IDO1: variants seen among roughly 807,000 people sequenced by gnomAD.
IDO1 encodes the protein indoleamine 2,3-dioxygenase 1, also known as indolamine 2,3 dioxygenase.
Under a neutral mutation model 38.8 loss-of-function variants are expected in IDO1, and 35 were observed. The ratio of observed to expected loss-of-function variants is 0.90; its 90% CI spans 0.69 to 1.20. IDO1 has a LOEUF of 1.20. Ranked by LOEUF, IDO1 falls within the 50% of genes most tolerant of loss-of-function variation. IDO1 has a pLI of 0.00. For synonymous variants in IDO1, 171 were observed against 170.0 expected (o/e 1.01, Z -0.05); for missense variants, 509 against 485.1 (o/e 1.05, Z -0.46).
At chr8:39,921,030 T>C (rs1055611805) in intron 5 of IDO1, 1 of 152,138 alleles carries the variant, frequency 6.6e-6, no homozygotes, top group Non-Finnish European at 1.5e-5. Context: ...AAGCAAGTTA[T>C]TTGAGGAATT....
intron 1 of IDO1, among the ~76,000 whole-genome samples, chr8:39,916,125 C>T (rs1259230429): frequency 1.3e-5 from 2 of 152,016 alleles, no homozygotes; most frequent in African/African-American, 4.8e-5. Context: ...GAGATCACGC[C>T]ACCGCACTCC....
At chr8:39,914,645 A>G (rs540580208) in intron 1 of IDO1, among the ~76,000 whole-genome samples, 11 of 152,336 alleles carry the variant, frequency 7.2e-5, no homozygotes, top group African/African-American at 2.6e-4. Flanking sequence ...AACGAATGCT[A>G]TGTAAACCAA....
chr8:39,924,626 C>T lies in IDO1; in HGVS notation c.656-95C>T. ...ACTGACCTAATGCCTTTTCCTGCAG[C>T]CTGTGCCAAAATCCATTATCAGTTG... On this transcript the variant is annotated intron_variant, in intron 7 of 9. Coordinates refer to ENST00000518237, the MANE Select transcript of IDO1 (RefSeq NM_002164.6). The T allele has an allele frequency of 3.6e-6, 3 of 827,234 alleles. No individual in the cohort carries two copies. The Admixed American group carries it at 6.1e-5, about 17-fold the overall frequency. The allele number at this position is 827,234 out of a possible 1,614,324, so 51.2% of individuals were successfully genotyped here. A position where few individuals can be genotyped will look rare whatever the true frequency, so the allele number is the denominator to read the frequency against.
rs542806301 is a variant in IDO1 at position 39,928,067 on chromosome 8, A to G, written c.1094A>G (p.Asn365Ser). ...CCTGCAAGCCAGCAGCCAAAGGAGAATAAGACCTCTGAAGACCCTTCAAAA... is the reference window on the plus strand; with the variant it reads ...CCTGCAAGCCAGCAGCCAAAGGAGAGTAAGACCTCTGAAGACCCTTCAAAA... ...LIPASQQPKE[N>S]KTSEDPSKLE... Residue 365 changes from asparagine (N) to serine (S), a missense_variant, in exon 10 of 10, where the codon AAT (asparagine) becomes AGT (serine). Transcript: ENST00000518237. 5.8e-5 allele frequency: 94 copies of G among 1,612,584 alleles called. No homozygotes were observed. The East Asian group carries it at 1.9e-3, about 32-fold the overall frequency.
intron 1 of IDO1, 140 bp downstream of exon 1, chr8:39,914,149 G>A: frequency 1.7e-6 from 1 of 604,270 alleles, no homozygotes; most frequent in Non-Finnish European, 3.0e-6. Context: ...TTAGAGAGCT[G>A]TAATAACTGC....
intron 3 of IDO1, chr8:39,918,482 C>T (rs1274709593): frequency 2.1e-6 from 1 of 471,726 alleles, no homozygotes; most frequent in African/African-American, 2.0e-5. Context: ...CTTTAAAACA[C>T]ACATGGGCCT....
chr8:39,918,371 GTTATCA>G, intron 3 of IDO1, 164 bp downstream of exon 3: 1 of 615,458 alleles, frequency 1.6e-6, no homozygotes, highest in Non-Finnish European at 2.8e-6. Flanking sequence ...CATGTCCACT[GTTATCA>G]TTATTATATT....
intron 9 of IDO1, among the ~76,000 whole-genome samples, chr8:39,925,959 G>A (rs533532558): frequency 1.7e-4 from 26 of 152,062 alleles, no homozygotes; most frequent in African/African-American, 5.1e-4. Flanking sequence ...AGGCCGAGGC[G>A]GGCGGATCAC....
chr8:39,919,020 A>AGC, intron 4 of IDO1, 87 bp downstream of exon 4: 2 of 856,130 alleles, frequency 2.3e-6, no homozygotes, highest in Non-Finnish European at 4.1e-6. Context: ...AATTTTGGGC[A>AGC]GCGCAGCTTT....
In IDO1 at chr8:39,925,217, T is replaced by C; in HGVS notation, c.708-6T>C. On this transcript the variant is annotated splice_polypyrimidine_tract_variant and splice_region_variant and intron_variant, in intron 8 of 9. Transcript: ENST00000518237. ...TTTTTCTTTTTTTCTTTCTTTCCTC[T>C]GATAGCTGGAAAGGCAACCCCCAGC... The C allele has an allele frequency of 6.4e-7, 1 of 1,574,294 alleles. No individual in the cohort carries two copies. The highest frequency in any genetic ancestry group is 2.2e-5 in the East Asian group (1 of 44,534).
chr8:39,928,550 G>C lies in IDO1; in HGVS notation c.*365G>C, dbSNP rs1015344602. 6.2e-6 allele frequency: 1 copy of C among 160,686 alleles called. No homozygotes were observed. The highest frequency in any genetic ancestry group is 1.4e-5 in the Non-Finnish European group (1 of 73,268). 10.0% of individuals were successfully genotyped at this position (160,686 alleles called of 1,614,324 possible). On this transcript the variant is annotated 3_prime_UTR_variant, in exon 10 of 10. Coordinates refer to ENST00000518237, the MANE Select transcript of IDO1 (RefSeq NM_002164.6). ...AGATCGAGACCATCTTGGCTAACACGGTGAAACCCCGTCTCTACTAAAAAT... is the reference window on the plus strand; with the variant it reads ...AGATCGAGACCATCTTGGCTAACACCGTGAAACCCCGTCTCTACTAAAAAT...
intron 1 of IDO1, 118 bp from the exon 2 acceptor site, chr8:39,917,757 A>C (rs1402866128): frequency 1.5e-6 from 1 of 659,124 alleles, no homozygotes; most frequent in Non-Finnish European, 2.6e-6. Flanking sequence ...CAGACAGGTA[A>C]GCCATATGCC....
chr8:39,920,101 C>A lies in IDO1; in HGVS notation c.424C>A (p.Pro142Thr), dbSNP rs1052014516. 1.9e-5 allele frequency: 31 copies of A among 1,610,202 alleles called. No homozygotes were observed. Among genetic ancestry groups the A allele is most frequent in the Non-Finnish European group, 2.6e-5 (31 of 1,177,846 alleles). Residue 142 changes from proline (P) to threonine (T), a missense_variant and splice_region_variant, in exon 5 of 10, where the codon CCC becomes ACC. By Grantham distance (38) the Pro-to-Thr change is conservative. Transcript: ENST00000518237. ...TTGCTTCATGGCTGCTTTCATAAGGCCCCTGACTTATGAGTAAGTATCTGA... is the reference window on the plus strand; with the variant it reads ...TTGCTTCATGGCTGCTTTCATAAGGACCCTGACTTATGAGTAAGTATCTGA... Reference protein sequence around the residue: ...ANWKKKDPNKPLTYENMDVLF... With the variant: ...ANWKKKDPNKTLTYENMDVLF...
chr8:39,928,504 C>A lies in IDO1; in HGVS notation c.*319C>A, dbSNP rs539055517. ...ATCCCAGCACTTTGGGAGGCCGAGG[C>A]GGGCGGATCACAAGGTCAGGAGATC... On this transcript the variant is annotated 3_prime_UTR_variant, in exon 10 of 10. Transcript: ENST00000518237. The A allele has an allele frequency of 5.6e-6, 1 of 179,626 alleles. No homozygotes were observed. The highest frequency in any genetic ancestry group is 1.2e-5 in the Non-Finnish European group (1 of 84,702). 11.1% of individuals were successfully genotyped at this position (179,626 alleles called of 1,614,324 possible).
At chr8:39,925,468 T>C (rs1487798795) in intron 9 of IDO1, 97 bp downstream of exon 9, 2 of 1,168,928 alleles carry the variant, frequency 1.7e-6, no homozygotes, top group Non-Finnish European at 2.3e-6. Flanking sequence ...TTATCTGAGC[T>C]TATCTGATAG....
rs774225205 is a variant in IDO1 at position 39,924,756 on chromosome 8, C to A, written c.691C>A (p.Arg231Ser). ...VNPKAFFSVLRIYLSGWKGNP... is the reference protein window; with the variant it reads ...VNPKAFFSVLSIYLSGWKGNP... ...CCCAAAAGCATTTTTCAGTGTTCTT[C>A]GCATATATTTGTCTGGGTATGTAGT... is the stretch of plus-strand genomic sequence containing the variant. Residue 231 changes from arginine (R) to serine (S), a missense_variant, in exon 8 of 10, where the codon CGC becomes AGC. Arg to Ser is a moderately radical substitution (Grantham distance 110). Coordinates refer to ENST00000518237, the MANE Select transcript of IDO1 (RefSeq NM_002164.6). The A allele has an allele frequency of 6.2e-7, 1 of 1,609,522 alleles. No homozygotes were observed. Among genetic ancestry groups the A allele is most frequent in the Non-Finnish European group, 8.5e-7 (1 of 1,176,468 alleles).
chr8:39,924,780 G>T lies in IDO1; in HGVS notation c.707+8G>T. On this transcript the variant is annotated splice_region_variant and intron_variant, in intron 8 of 9. Transcript: ENST00000518237. ...TCGCATATATTTGTCTGGGTATGTA[G>T]TCTTATGTTTGAATTTGTTTGCTCT... is the stretch of plus-strand genomic sequence containing the variant. 1 of 1,599,722 alleles carries T rather than the reference G, an allele frequency of 6.3e-7. No homozygotes were observed. The highest frequency in any genetic ancestry group is 1.1e-5 in the South Asian group (1 of 90,058).
rs750453634 is a variant in IDO1 at position 39,927,850 on chromosome 8, C to T, written c.877C>T (p.Gln293Ter). The change falls in exon 10 of 10, where the codon CAG (glutamine) becomes TAG (stop). Residue 293 changes from glutamine (Q) to a stop codon, truncating the protein, a stop_gained. Transcript: ENST00000518237. LOFTEE classifies it low-confidence loss of function (END_TRUNC). The part of the protein sequence containing the change: ...AGGGHAAQFL[Q>*]DMRRYMPPAH... ...TATAGGACATGCTGCTCAGTTCCTC[C>T]AGGACATGAGAAGATATATGCCACC... 6.4e-7 allele frequency: 1 copy of T among 1,550,814 alleles called. No homozygotes were observed. The highest frequency in any genetic ancestry group is 1.3e-5 in the South Asian group (1 of 79,280).
Position 39,918,852 on chromosome 8 carries a change from T to G in IDO1, c.341T>G (p.Leu114Arg). 1 of 1,607,084 alleles carries G rather than the reference T, an allele frequency of 6.2e-7. No homozygotes were observed. The highest frequency in any genetic ancestry group is 8.5e-7 in the Non-Finnish European group (1 of 1,175,580). Residue 114 changes from leucine to arginine, a missense_variant, in exon 4 of 10, where the codon CTC becomes CGC. Coordinates refer to ENST00000518237, the MANE Select transcript of IDO1 (RefSeq NM_002164.6). ...AATATTGCTGTTCCTTACTGCCAACTCTCCAAGAAACTGGAACTGCCTCCT... is the reference window on the plus strand; with the variant it reads ...AATATTGCTGTTCCTTACTGCCAACGCTCCAAGAAACTGGAACTGCCTCCT... Reference protein sequence around the residue: ...PRNIAVPYCQLSKKLELPPIL... With the variant: ...PRNIAVPYCQRSKKLELPPIL...
Sources: gnomAD v4.1 joint callset for allele counts (sites outside exome capture counted in the v4.1 genomes callset) on GRCh38, gnomAD v4.1.1 for gene constraint, MANE v1.5 for transcripts, NCBI Gene and HGNC (gene_info 2026-07-23, HGNC 2026-07-21) for gene names.